ABCA6: variants seen among roughly 807,000 people sequenced by gnomAD.
The protein encoded by ABCA6 is ATP binding cassette subfamily A member 6.
ABCA6 carries 164 observed loss-of-function variants against 191.2 expected under a neutral mutation model. That is an observed-to-expected ratio of 0.86 (90% CI 0.76 to 0.98). The LOEUF (loss-of-function observed/expected upper bound fraction) is 0.98, where lower values mean the gene tolerates loss of function less well. Ranked by LOEUF, ABCA6 falls within the 50% of genes least tolerant of loss-of-function variation. The pLI is 0.00. For missense variants in ABCA6, 1,958 were observed against 1,894.1 expected (o/e 1.03, Z -0.63); for synonymous variants, 636 against 647.7 (o/e 0.98, Z 0.27).
intron 20 of ABCA6, chr17:69,105,115 T>C: frequency 4.5e-6 from 1 of 220,222 alleles, no homozygotes; most frequent in Non-Finnish European, 8.7e-6. Flanking sequence ...GTGTATTGCC[T>C]TTGTGGTATA....
At chr17:69,102,328 G>C (rs530237609) in intron 21 of ABCA6, among the ~76,000 whole-genome samples, 9 of 152,282 alleles carry the variant, frequency 5.9e-5, no homozygotes, top group African/African-American at 1.9e-4. Context: ...GGGTAACACA[G>C]CAAGACTCTG....
At chr17:69,124,855 G>A (rs376471461) in intron 9 of ABCA6, 33 bp downstream of exon 9, 250 of 1,346,730 alleles carry the variant, frequency 1.9e-4, no homozygotes, top group Non-Finnish European at 2.3e-4. Flanking sequence ...ATTAATAACT[G>A]TAGAGGACAG....
intron 21 of ABCA6, among the ~76,000 whole-genome samples, chr17:69,101,881 AT>A (rs779885312): frequency 1.3e-5 from 2 of 152,196 alleles, no homozygotes; most frequent in Non-Finnish European, 2.9e-5. Flanking sequence ...AAGCGATTAC[AT>A]TTTTTATAGC....
rs1287923483 is a variant in ABCA6 at position 69,110,940 on chromosome 17, AC to A, written c.2133-1del. ...GGTTACATATTTCATTCCTATGTAA[AC>A]TAATATTTAAAAGAAAAGATAAGTC... is the stretch of plus-strand genomic sequence containing the variant. On this transcript the variant is annotated splice_acceptor_variant, in intron 16 of 38. Coordinates refer to ENST00000284425, the MANE Select transcript of ABCA6 (RefSeq NM_080284.3). LOFTEE classifies it high-confidence loss of function. The A allele has an allele frequency of 2.5e-6, 4 of 1,583,308 alleles. No individual in the cohort carries two copies. The African/African-American group carries it at 5.5e-5, about 22-fold the overall frequency.
Position 69,097,958 on chromosome 17 carries a change from A to C in ABCA6, c.3082T>G (p.Ser1028Ala). 1 of 1,611,322 alleles carries C rather than the reference A, an allele frequency of 6.2e-7. No individual in the cohort carries two copies. The highest frequency in any genetic ancestry group is 8.5e-7 in the Non-Finnish European group (1 of 1,179,000). The part of the protein sequence containing the change: ...FFLFLVLCSI[S>A]PYITMGSISD... ...ATGCTGCCCATGGTGATATAAGGAGAAATGCTACATAGAACCAAAAATAAG... is the reference window on the plus strand; with the variant it reads ...ATGCTGCCCATGGTGATATAAGGAGCAATGCTACATAGAACCAAAAATAAG... The change falls in exon 23 of 39, where the codon TCT becomes GCT. Residue 1028 changes from serine (S) to alanine (A), a missense_variant. By Grantham distance (99) the Ser-to-Ala change is moderately conservative. Transcript: ENST00000284425.
Position 69,113,274 on chromosome 17 carries a change from A to T in ABCA6, c.1989T>A (p.Asp663Glu). 4 of 1,605,764 alleles carry T rather than the reference A, an allele frequency of 2.5e-6. No homozygotes were observed. The highest frequency in any genetic ancestry group is 3.4e-6 in the Non-Finnish European group (4 of 1,177,634). The change falls in exon 15 of 39, where the codon GAT becomes GAA. Residue 663 changes from aspartate to glutamate, a missense_variant. Physicochemically the swap from Asp to Glu is conservative, Grantham distance 45 (BLOSUM62 2). Coordinates refer to ENST00000284425, the MANE Select transcript of ABCA6 (RefSeq NM_080284.3). ...ACTGGGTACTGAAAAGGATCACATG[A>T]TCTGCTCTACGCTCTCTCAGGAGGC... is the stretch of plus-strand genomic sequence containing the variant. ...VWSLLRERRA[D>E]HVILFSTQSM... is the part of the protein sequence containing the mutation.
chr17:69,118,542 A>C (rs1296965924), intron 10 of ABCA6, among the ~76,000 whole-genome samples: 4 of 151,792 alleles, frequency 2.6e-5, no homozygotes, highest in Non-Finnish European at 5.9e-5. Flanking sequence ...TGAACTCACC[A>C]CTCCAGTGAA....
intron 16 of ABCA6, chr17:69,111,841 A>G (rs1036247824): frequency 5.0e-5 from 9 of 179,920 alleles, no homozygotes; most frequent in Non-Finnish European, 8.1e-5. Context: ...TGCCCTATGA[A>G]AGAATGAAAA....
chr17:69,113,123 A>G (rs2073462533), intron 15 of ABCA6, 99 bp downstream of exon 15: 1 of 1,384,634 alleles, frequency 7.2e-7, no homozygotes, highest in Non-Finnish European at 9.6e-7. Flanking sequence ...ATGTAGGAAC[A>G]TCACCATAAT....
chr17:69,082,730 T>C, intron 36 of ABCA6, 143 bp downstream of exon 36: 1 of 1,267,296 alleles, frequency 7.9e-7, no homozygotes, highest in Non-Finnish European at 1.1e-6. Flanking sequence ...TCTCTTATAA[T>C]CTGGAATACT....
chr17:69,099,938 T>G (rs6502001), intron 22 of ABCA6, among the ~76,000 whole-genome samples: 120,096 of 152,134 alleles, frequency 0.79, 50,744 homozygotes, highest in Non-Finnish European at 0.94. Flanking sequence ...TCCCTTTGGA[T>G]GGCTTCATTT....
intron 6 of ABCA6, 34 bp downstream of exon 6, chr17:69,133,607 T>C: frequency 1.4e-6 from 2 of 1,423,210 alleles, no homozygotes; most frequent in Non-Finnish European, 1.9e-6. Flanking sequence ...ATTTTCCTGT[T>C]TATTAATTTG....
At chr17:69,122,406 T>C (rs949575932) in intron 10 of ABCA6, among the ~76,000 whole-genome samples, 1 of 152,174 alleles carries the variant, frequency 6.6e-6, no homozygotes, top group Non-Finnish European at 1.5e-5. Context: ...ATCCCAAAAC[T>C]GCTGAGTTAG....
chr17:69,101,582 C>T (rs1326197813), intron 21 of ABCA6, among the ~76,000 whole-genome samples: 4 of 143,100 alleles, frequency 2.8e-5, no homozygotes, highest in African/African-American at 7.9e-5. Flanking sequence ...GGTGACAGAG[C>T]GAGACTCTGT....
Position 69,113,565 on chromosome 17 carries a change from G to T in ABCA6, c.1902+53C>A. On this transcript the variant is annotated intron_variant, in intron 14 of 38. Transcript: ENST00000284425. ...ACCACTTTTAGTGGTAAAAGAACTTGACATTTTGCAGACATTCGACCTGCT... is the reference window on the plus strand; with the variant it reads ...ACCACTTTTAGTGGTAAAAGAACTTTACATTTTGCAGACATTCGACCTGCT... The T allele has an allele frequency of 1.9e-6, 3 of 1,610,810 alleles. No homozygotes were observed. In the South Asian group the frequency reaches 3.3e-5, roughly 18 times the overall value.
At chr17:69,121,601 GAGA>G (rs1464673583) in intron 10 of ABCA6, among the ~76,000 whole-genome samples, 3 of 151,958 alleles carry the variant, frequency 2.0e-5, no homozygotes, top group Non-Finnish European at 2.9e-5. Context: ...GGGGATGTGG[GAGA>G]AGAAGGGAGA....
chr17:69,121,352 C>A (rs1487914430), intron 10 of ABCA6, among the ~76,000 whole-genome samples: 1 of 152,120 alleles, frequency 6.6e-6, no homozygotes, highest in Non-Finnish European at 1.5e-5. Flanking sequence ...TGTGTACCAC[C>A]TTGCCATTAA....
chr17:69,132,423 TCTTA>T (rs1306813790), intron 6 of ABCA6, among the ~76,000 whole-genome samples: 5 of 152,220 alleles, frequency 3.3e-5, no homozygotes, highest in East Asian at 1.9e-4. Context: ...TATCTGCTAA[TCTTA>T]CTTACTGATT....
chr17:69,112,322 T>C (rs762323569), intron 15 of ABCA6, 49 bp from the exon 16 acceptor site: 6 of 1,449,798 alleles, frequency 4.1e-6, no homozygotes, highest in Non-Finnish European at 4.8e-6. Context: ...TCATTTCTTC[T>C]TTCTCTAGTA....
Sources: gnomAD v4.1 joint callset for allele counts (sites outside exome capture counted in the v4.1 genomes callset) on GRCh38, gnomAD v4.1.1 for gene constraint, MANE v1.5 for transcripts, NCBI Gene and HGNC (gene_info 2026-07-23, HGNC 2026-07-21) for gene names.